MYZAP: variants seen among roughly 807,000 people sequenced by gnomAD.
The protein encoded by MYZAP is myocardial zonula adherens protein.
In MYZAP, 66 loss-of-function variants were observed where a neutral mutation model predicts 69.4. The ratio of observed to expected loss-of-function variants is 0.95; its 90% CI spans 0.78 to 1.17. MYZAP has a LOEUF of 1.17. Among genes scored for constraint, MYZAP ranks in the 50% most tolerant of loss-of-function variants. The probability of loss-of-function intolerance (pLI) is 0.00; values close to 1 mark genes in which losing one functional copy is unlikely to be tolerated. For synonymous variants in MYZAP, 256 were observed against 205.9 expected (o/e 1.24, Z -2.09); for missense variants, 611 against 556.2 (o/e 1.10, Z -0.99).
intron 10 of MYZAP, chr15:57,647,308 C>T: frequency 9.1e-6 from 9 of 985,376 alleles, no homozygotes; most frequent in Non-Finnish European, 8.4e-6. Context: ...TCCCCAGATA[C>T]GATGCTGGGT....
intron 10 of MYZAP, chr15:57,647,499 A>G (rs2037502607): frequency 1.0e-6 from 1 of 985,480 alleles, no homozygotes; most frequent in Non-Finnish European, 1.2e-6. Flanking sequence ...CAAGTTTTAA[A>G]AAAGGAAATA....
At chr15:57,663,160 G>C (rs1233342512) in intron 11 of MYZAP, among the ~76,000 whole-genome samples, 6 of 152,186 alleles carry the variant, frequency 3.9e-5, no homozygotes, top group African/African-American at 1.4e-4. Flanking sequence ...CAGGAGAGAG[G>C]AAAGACAGAC....
rs553744563 is a variant in MYZAP at position 57,646,260 on chromosome 15, C to A, written c.1119+6715C>A. The A allele has an allele frequency of 1.0e-5, 13 of 1,287,152 alleles. No individual in the cohort carries two copies. In the South Asian group the frequency reaches 1.5e-4, roughly 15 times the overall value. The allele number at this position is 1,287,152 out of a possible 1,614,324, so 79.7% of individuals were successfully genotyped here. ...TCGTGATTAGAAGAACACTTGTACACTCTCTGCTGGGAAGAGGTGGTATTT... is the reference window on the plus strand; with the variant it reads ...TCGTGATTAGAAGAACACTTGTACAATCTCTGCTGGGAAGAGGTGGTATTT... On this transcript the variant is annotated intron_variant, in intron 10 of 12. Coordinates refer to ENST00000267853, the MANE Select transcript of MYZAP (RefSeq NM_001018100.5).
At chr15:57,630,115 C>T (rs527309595) in intron 6 of MYZAP, among the ~76,000 whole-genome samples, 5 of 152,184 alleles carry the variant, frequency 3.3e-5, no homozygotes, top group African/African-American at 1.2e-4. Context: ...ATTACAGGCA[C>T]GTGCCACCTT....
chr15:57,625,689 C>A, intron 4 of MYZAP, 90 bp from the exon 5 acceptor site: 1 of 1,160,372 alleles, frequency 8.6e-7, no homozygotes, highest in Non-Finnish European at 1.3e-6. Context: ...GTAGATGTGG[C>A]TTCTAACAGA....
chr15:57,633,424 T>C (rs2036624451), intron 7 of MYZAP, among the ~76,000 whole-genome samples, 189 bp from the exon 8 acceptor site: 1 of 152,188 alleles, frequency 6.6e-6, no homozygotes, highest in African/African-American at 2.4e-5. Flanking sequence ...ACCAGCCACA[T>C]GATGTATCTT....
At chr15:57,662,305 G>A (rs2038351322) in intron 11 of MYZAP, among the ~76,000 whole-genome samples, 1 of 152,208 alleles carries the variant, frequency 6.6e-6, no homozygotes, top group African/African-American at 2.4e-5. Flanking sequence ...GTCCTTATCT[G>A]TGTTCCTCGT....
At chr15:57,616,821 G>GTTTTTTTTTTTTTTTTTTTTTT (rs1595870389) in intron 2 of MYZAP, among the ~76,000 whole-genome samples, 2 of 53,316 alleles carry the variant, frequency 3.8e-5, no homozygotes, top group Admixed American at 2.4e-4. Flanking sequence ...AAAAAAAAGT[G>GTTTTTTTTTTTTTTTTTTTTTT]CTTTTTTTTT....
At chr15:57,648,429 G>A (rs1186782456) in intron 10 of MYZAP, 7 of 985,300 alleles carry the variant, frequency 7.1e-6, no homozygotes, top group Non-Finnish European at 8.4e-6. Context: ...AGTAATTCAT[G>A]TTTTGGGTCA....
intron 12 of MYZAP, among the ~76,000 whole-genome samples, chr15:57,676,420 GTGTATATATATATATGTATATATA>G (rs1451560827): frequency 1.2e-4 from 4 of 33,236 alleles, no homozygotes; most frequent in Admixed American, 3.0e-4. Flanking sequence ...GTATATATAT[GTGTATATATATATATGTATATATA>G]TATATATATA....
At chr15:57,595,674 C>T (rs767931770) in intron 1 of MYZAP, among the ~76,000 whole-genome samples, 2 of 152,180 alleles carry the variant, frequency 1.3e-5, no homozygotes, top group African/African-American at 4.8e-5. Context: ...ATAGATCTGT[C>T]AAGGATCTTC....
intron 2 of MYZAP, among the ~76,000 whole-genome samples, chr15:57,609,902 T>G (rs551538774): frequency 1.3e-5 from 2 of 152,340 alleles, no homozygotes; most frequent in East Asian, 3.9e-4. Context: ...ATCCATATTC[T>G]TATCCATAGT....
chr15:57,619,176 G>A (rs890112742), intron 3 of MYZAP, among the ~76,000 whole-genome samples: 12 of 151,932 alleles, frequency 7.9e-5, no homozygotes, highest in Non-Finnish European at 1.3e-4. Context: ...TGATGTCTTC[G>A]CTTTTGTGTG....
chr15:57,648,927 T>C (rs2037588387), intron 10 of MYZAP, among the ~76,000 whole-genome samples: 1 of 151,606 alleles, frequency 6.6e-6, no homozygotes, highest in African/African-American at 2.4e-5. Context: ...CATGCCTTGA[T>C]GATTTTACTG....
chr15:57,616,769 C>A (rs1028008993), intron 2 of MYZAP, among the ~76,000 whole-genome samples: 1 of 144,688 alleles, frequency 6.9e-6, no homozygotes, highest in Non-Finnish European at 1.5e-5. Flanking sequence ...ACGATCACGC[C>A]ACTACACTGC....
chr15:57,624,367 G>A (rs1356168573), intron 4 of MYZAP, among the ~76,000 whole-genome samples: 13 of 152,064 alleles, frequency 8.5e-5, no homozygotes, highest in Admixed American at 8.5e-4. Context: ...TATAGGAGTG[G>A]GGCTACGTAA....
intron 11 of MYZAP, among the ~76,000 whole-genome samples, chr15:57,671,689 A>T (rs1427972625): frequency 6.6e-6 from 1 of 152,192 alleles, no homozygotes; most frequent in African/African-American, 2.4e-5. Flanking sequence ...TTTTAAAAAA[A>T]AATTCAGGTA....
At chr15:57,600,198 G>T (rs190688749) in intron 1 of MYZAP, among the ~76,000 whole-genome samples, 1 of 152,268 alleles carries the variant, frequency 6.6e-6, no homozygotes, top group East Asian at 1.9e-4. Flanking sequence ...GTGTGATTCT[G>T]TTCTAAGCTG....
At chr15:57,597,382 G>A (rs759928066) in intron 1 of MYZAP, among the ~76,000 whole-genome samples, 5 of 152,190 alleles carry the variant, frequency 3.3e-5, no homozygotes, top group African/African-American at 4.8e-5. Flanking sequence ...CTTCCCAGGC[G>A]ATTCTAATGT....
Sources: gnomAD v4.1 joint callset for allele counts (sites outside exome capture counted in the v4.1 genomes callset) on GRCh38, gnomAD v4.1.1 for gene constraint, MANE v1.5 for transcripts, NCBI Gene and HGNC (gene_info 2026-07-23, HGNC 2026-07-21) for gene names.